The following CREBBP variants were observed in gnomAD, a reference collection of about 807,000 sequenced individuals.
The protein encoded by CREBBP is CREB-binding protein.
In CREBBP, 19 loss-of-function variants were observed where a neutral mutation model predicts 265.0. The ratio of observed to expected loss-of-function variants is 0.07; its 90% CI spans 0.05 to 0.11. The LOEUF (loss-of-function observed/expected upper bound fraction) is 0.11, where lower values mean the gene tolerates loss of function less well. Ranked by LOEUF, CREBBP falls within the 10% of genes least tolerant of loss-of-function variation. CREBBP has a pLI of 1.00. For missense variants in CREBBP, 2,525 were observed against 3,219.0 expected (o/e 0.78, Z 5.22); for synonymous variants, 1,457 against 1,223.7 (o/e 1.19, Z -3.98).
intron 3 of CREBBP, among the ~76,000 whole-genome samples, chr16:3,803,076 T>C (rs955344056): frequency 7.2e-5 from 11 of 152,240 alleles, no homozygotes; most frequent in African/African-American, 2.4e-4. Context: ...TCAGAGGTGA[T>C]AAACTGGTAA....
chr16:3,856,914 G>T (rs1028573236), intron 1 of CREBBP, among the ~76,000 whole-genome samples: 2 of 152,220 alleles, frequency 1.3e-5, no homozygotes. Context: ...GATAAACTCA[G>T]AGAGTACTTA....
chr16:3,787,647 T>G (rs920526660), intron 5 of CREBBP, among the ~76,000 whole-genome samples: 2 of 148,974 alleles, frequency 1.3e-5, no homozygotes, highest in East Asian at 1.9e-4. Context: ...TTTTGTTTTG[T>G]TTTGGTTTTT....
chr16:3,831,794 C>T (rs949835001), intron 2 of CREBBP, among the ~76,000 whole-genome samples: 6 of 151,944 alleles, frequency 3.9e-5, no homozygotes, highest in Non-Finnish European at 5.9e-5. Flanking sequence ...GTCAGGAGTT[C>T]GACACCAGCC....
intron 2 of CREBBP, chr16:3,840,854 A>C (rs905748978): frequency 6.4e-6 from 1 of 155,892 alleles, no homozygotes; most frequent in Non-Finnish European, 1.5e-5. Context: ...GAGTTCCTAG[A>C]CTTGAACGAG....
intron 2 of CREBBP, among the ~76,000 whole-genome samples, chr16:3,813,586 A>G (rs750631681): frequency 2.0e-5 from 3 of 152,142 alleles, no homozygotes; most frequent in Non-Finnish European, 4.4e-5. Context: ...CAACACGAAC[A>G]ACAACAAAAA....
intron 2 of CREBBP, among the ~76,000 whole-genome samples, chr16:3,840,304 A>G (rs1246824115): frequency 6.6e-6 from 1 of 152,344 alleles, no homozygotes; most frequent in East Asian, 1.9e-4. Flanking sequence ...TTGTAATCCC[A>G]GCACTTTGGG....
intron 14 of CREBBP, among the ~76,000 whole-genome samples, chr16:3,770,118 C>CCT (rs2052963432): frequency 6.6e-6 from 1 of 152,170 alleles, no homozygotes; most frequent in Admixed American, 6.5e-5. Flanking sequence ...GATCCGCCTG[C>CCT]CTCAGCCTCC....
intron 2 of CREBBP, among the ~76,000 whole-genome samples, chr16:3,821,494 T>C (rs1439826793): frequency 1.3e-5 from 2 of 152,202 alleles, no homozygotes; most frequent in African/African-American, 4.8e-5. Flanking sequence ...TCCCAGAGTA[T>C]TTTACACAAA....
chr16:3,800,417 C>T (rs1453332176), intron 3 of CREBBP, among the ~76,000 whole-genome samples: 5 of 152,160 alleles, frequency 3.3e-5, no homozygotes, highest in Non-Finnish European at 5.9e-5. Context: ...TTGCACCCGG[C>T]CTTCCAGTAA....
chr16:3,768,221 C>T (rs1429496747), intron 15 of CREBBP, among the ~76,000 whole-genome samples: 2 of 127,734 alleles, frequency 1.6e-5, no homozygotes, highest in East Asian at 2.6e-4. Flanking sequence ...TCTTGGCTCA[C>T]TGCAACCTCC....
chr16:3,749,800 G>A, intron 20 of CREBBP, 117 bp from the exon 21 acceptor site: 1 of 666,672 alleles, frequency 1.5e-6, no homozygotes, highest in Non-Finnish European at 2.6e-6. Flanking sequence ...AGACATGATG[G>A]CCCCTTAAAA....
chr16:3,768,154 T>G (rs1414339909), intron 15 of CREBBP, among the ~76,000 whole-genome samples: 1 of 120,766 alleles, frequency 8.3e-6, no homozygotes, highest in African/African-American at 3.6e-5. Flanking sequence ...TTTTTTTTTT[T>G]TTTTTTTTTT....
intron 1 of CREBBP, 116 bp downstream of exon 1, chr16:3,879,716 G>C: frequency 9.0e-7 from 1 of 1,108,464 alleles, no homozygotes; most frequent in Middle Eastern, 2.9e-4. Context: ...GGGCTGCGGG[G>C]CCTGCTCCGA....
intron 23 of CREBBP, chr16:3,740,849 T>A: frequency 2.3e-6 from 1 of 429,886 alleles, no homozygotes; most frequent in South Asian, 2.1e-5. Flanking sequence ...TGACAGGGGC[T>A]CTAGGGCGGA....
At chr16:3,738,210 T>A (rs2052117303) in intron 26 of CREBBP, among the ~76,000 whole-genome samples, 1 of 151,924 alleles carries the variant, frequency 6.6e-6, no homozygotes, top group South Asian at 2.1e-4. Flanking sequence ...GTTCTGAAAC[T>A]GACTTGTGAT....
intron 1 of CREBBP, among the ~76,000 whole-genome samples, chr16:3,863,991 C>T (rs1039614571): frequency 1.1e-4 from 16 of 152,194 alleles, no homozygotes; most frequent in African/African-American, 3.6e-4. Context: ...CAGTCAGCTG[C>T]CTATCCACCC....
At chr16:3,869,557 A>T (rs2055249773) in intron 1 of CREBBP, among the ~76,000 whole-genome samples, 1 of 152,310 alleles carries the variant, frequency 6.6e-6, no homozygotes, top group African/African-American at 2.4e-5. Context: ...GCTGTCCAAT[A>T]CCGTAGTGAC....
intron 2 of CREBBP, among the ~76,000 whole-genome samples, chr16:3,845,057 C>T (rs751901866): frequency 3.3e-5 from 5 of 152,102 alleles, no homozygotes; most frequent in Non-Finnish European, 5.9e-5. Flanking sequence ...AATCCAAAAT[C>T]CCAAAGATTT....
In CREBBP at chr16:3,759,165, T is replaced by C. The variant is rs975256631; in HGVS notation, c.3251-193A>G. Among the ~76,000 whole-genome samples, 15 of 152,190 alleles carry C rather than the reference T, an allele frequency of 9.9e-5. No homozygotes were observed. The East Asian group carries it at 2.5e-3, about 25-fold the overall frequency. On this transcript the variant is annotated intron_variant, in intron 16 of 30. Transcript: ENST00000262367. ...CACTAGTGTCAGAACTGTGTTCAGCTTGTGAGGCAAAATACAACACTGGGA... is the reference window on the plus strand; with the variant it reads ...CACTAGTGTCAGAACTGTGTTCAGCCTGTGAGGCAAAATACAACACTGGGA...
Sources: allele counts gnomAD v4.1 joint callset (sites outside exome capture counted in the v4.1 genomes callset), GRCh38; gene constraint gnomAD v4.1.1; transcripts MANE v1.5; gene names NCBI Gene and HGNC (gene_info 2026-07-23, HGNC 2026-07-21).